MSH4: variants seen among roughly 807,000 people sequenced by gnomAD.
The protein encoded by MSH4 is mutS protein homolog 4.
Under a neutral mutation model 113.7 loss-of-function variants are expected in MSH4, and 106 were observed. The observed-to-expected ratio is 0.93, with a 90% CI of 0.80 to 1.10. The LOEUF (loss-of-function observed/expected upper bound fraction) is 1.10. Among genes scored for constraint, MSH4 ranks in the 50% least tolerant of loss-of-function variants. The probability of loss-of-function intolerance (pLI) is 0.00; values close to 1 mark genes in which losing one functional copy is unlikely to be tolerated. For missense variants in MSH4, 1,061 were observed against 1,093.7 expected (o/e 0.97, Z 0.42); for synonymous variants, 368 against 380.2 (o/e 0.97, Z 0.37).
At chr1:75,825,528 C>T (rs1275085706) in intron 7 of MSH4, among the ~76,000 whole-genome samples, 1 of 152,106 alleles carries the variant, frequency 6.6e-6, no homozygotes, top group Non-Finnish European at 1.5e-5. Flanking sequence ...GAAAGGACAT[C>T]CTTGTCTTGT....
At chr1:75,845,345 A>C (rs1651052583) in intron 7 of MSH4, among the ~76,000 whole-genome samples, 1 of 152,194 alleles carries the variant, frequency 6.6e-6, no homozygotes. Context: ...ATTCCTCCTG[A>C]GGCAAATTCC....
chr1:75,910,286 C>G (rs950443071), intron 19 of MSH4, among the ~76,000 whole-genome samples: 2 of 152,098 alleles, frequency 1.3e-5, no homozygotes, highest in Non-Finnish European at 2.9e-5. Context: ...TCCATGATCT[C>G]TCTATGGCAC....
rs1650696136 is a variant in MSH4, at chr1:75,831,743, C to A, written c.1162+9162C>A. Among the ~76,000 whole-genome samples the A allele has an allele frequency of 2.0e-5, 3 of 152,064 alleles. No homozygotes were observed. The South Asian group carries it at 6.2e-4, about 32-fold the overall frequency. Reference sequence around the variant, plus strand: ...AGATGTTCTTTGAAACCAATGAGAACAAAGACAAAACATACCAGAATCTCT... The same window carrying A: ...AGATGTTCTTTGAAACCAATGAGAAAAAAGACAAAACATACCAGAATCTCT... On this transcript the variant is annotated intron_variant, in intron 7 of 19. Transcript: ENST00000263187.
chr1:75,907,706 A>ATATATATG (rs1652697397), intron 19 of MSH4, among the ~76,000 whole-genome samples: 3 of 131,868 alleles, frequency 2.3e-5, no homozygotes, highest in Admixed American at 7.7e-5. Context: ...ATATATATAT[A>ATATATATG]TATATATATA....
intron 7 of MSH4, among the ~76,000 whole-genome samples, chr1:75,832,335 C>T (rs1265566307): frequency 6.6e-6 from 1 of 152,172 alleles, no homozygotes; most frequent in Non-Finnish European, 1.5e-5. Context: ...TATGGATTCA[C>T]AGCCGAATTC....
At chr1:75,872,853 A>T (rs898627713) in intron 9 of MSH4, among the ~76,000 whole-genome samples, 1 of 152,228 alleles carries the variant, frequency 6.6e-6, no homozygotes, top group African/African-American at 2.4e-5. Flanking sequence ...GAGTTTGCCA[A>T]GGTCATTGCT....
At chr1:75,818,095 T>C (rs1650328822) in intron 6 of MSH4, among the ~76,000 whole-genome samples, 1 of 152,184 alleles carries the variant, frequency 6.6e-6, no homozygotes, top group Admixed American at 6.5e-5. Flanking sequence ...AATAGCCTCC[T>C]AGCTTTTCTT....
At chr1:75,906,289 T>A (rs1324968666) in intron 19 of MSH4, among the ~76,000 whole-genome samples, 2 of 149,672 alleles carry the variant, frequency 1.3e-5, no homozygotes, top group Admixed American at 6.8e-5. Flanking sequence ...ATTTAGGACA[T>A]TTACATTCAA....
chr1:75,856,565 G>C (rs1185349234), intron 8 of MSH4, among the ~76,000 whole-genome samples: 1 of 152,116 alleles, frequency 6.6e-6, no homozygotes, highest in Non-Finnish European at 1.5e-5. Flanking sequence ...GTGATAGTTT[G>C]CTGAGAATAA....
At chr1:75,904,813 T>G (rs1370246516) in intron 19 of MSH4, among the ~76,000 whole-genome samples, 1 of 152,140 alleles carries the variant, frequency 6.6e-6, no homozygotes, top group East Asian at 1.9e-4. Flanking sequence ...TTCTTCATGC[T>G]TCAATCTTGG....
chr1:75,851,375 A>ATT (rs1651183765), intron 8 of MSH4, among the ~76,000 whole-genome samples: 3 of 151,714 alleles, frequency 2.0e-5, no homozygotes, highest in Non-Finnish European at 4.4e-5. Flanking sequence ...GGGTTTATAG[A>ATT]CTACATCTTT....
chr1:75,867,238 T>A (rs535648065), intron 8 of MSH4, among the ~76,000 whole-genome samples: 1 of 152,326 alleles, frequency 6.6e-6, no homozygotes, highest in Admixed American at 6.5e-5. Context: ...CTCCTTTTGC[T>A]ATTCAGTTTA....
intron 2 of MSH4, 112 bp from the exon 3 acceptor site, chr1:75,806,869 A>G (rs986369144): frequency 2.7e-4 from 242 of 895,300 alleles, no homozygotes; most frequent in Non-Finnish European, 3.7e-4. Context: ...GCTAACTGAT[A>G]TCTACAGATT....
At chr1:75,912,315 C>T (rs1652804043) in intron 19 of MSH4, among the ~76,000 whole-genome samples, 1 of 152,128 alleles carries the variant, frequency 6.6e-6, no homozygotes, top group Non-Finnish European at 1.5e-5. Context: ...ATGAACAATG[C>T]TGTTTTCCCA....
chr1:75,854,647 C>G (rs1651277149), intron 8 of MSH4, among the ~76,000 whole-genome samples: 1 of 152,090 alleles, frequency 6.6e-6, no homozygotes, highest in Non-Finnish European at 1.5e-5. Flanking sequence ...TATTTGGGCC[C>G]TAACAACTGA....
At chr1:75,814,737 A>G (rs967340849) in intron 4 of MSH4, among the ~76,000 whole-genome samples, 1 of 152,174 alleles carries the variant, frequency 6.6e-6, no homozygotes, top group Non-Finnish European at 1.5e-5. Context: ...AAAGATTACT[A>G]AAGGCAATAA....
At chr1:75,912,503 A>G (rs2100601585) in intron 19 of MSH4, among the ~76,000 whole-genome samples, 193 bp from the exon 20 acceptor site, 1 of 152,210 alleles carries the variant, frequency 6.6e-6, no homozygotes, top group Non-Finnish European at 1.5e-5. Context: ...ATGTTCTTTC[A>G]AATACAATAT....
intron 7 of MSH4, among the ~76,000 whole-genome samples, chr1:75,828,279 C>G (rs1212333559): frequency 1.3e-5 from 2 of 152,126 alleles, no homozygotes; most frequent in East Asian, 1.9e-4. Context: ...AATAGAATTA[C>G]CATTCAACCC....
intron 7 of MSH4, among the ~76,000 whole-genome samples, chr1:75,832,802 A>G (rs1302690596): frequency 6.6e-6 from 1 of 152,196 alleles, no homozygotes; most frequent in African/African-American, 2.4e-5. Flanking sequence ...AATAATAGCT[A>G]TTTATGACAC....
Sources: allele counts gnomAD v4.1 joint callset (sites outside exome capture counted in the v4.1 genomes callset), GRCh38; gene constraint gnomAD v4.1.1; transcripts MANE v1.5; gene names NCBI Gene and HGNC (gene_info 2026-07-23, HGNC 2026-07-21).